PPFIBP2: variants seen among roughly 807,000 people sequenced by gnomAD.
The protein encoded by PPFIBP2 is liprin-beta-2.
A neutral mutation model predicts 118.3 loss-of-function variants in PPFIBP2; 118 were observed. The observed-to-expected ratio is 1.00, with a 90% CI of 0.86 to 1.16. The LOEUF (loss-of-function observed/expected upper bound fraction) is 1.16. Among genes scored for constraint, PPFIBP2 ranks in the 50% most tolerant of loss-of-function variants. The pLI, the probability that PPFIBP2 is intolerant of heterozygous loss-of-function variation, is 0.00. For missense variants in PPFIBP2, 1,195 were observed against 1,073.1 expected, an observed-to-expected ratio of 1.11 and a Z score of -1.59; for synonymous variants, 414 against 397.4, an observed-to-expected ratio of 1.04 and a Z score of -0.50.
intron 5 of PPFIBP2, among the ~76,000 whole-genome samples, chr11:7,601,836 G>A (rs866301430): frequency 4.6e-5 from 7 of 151,980 alleles, no homozygotes; most frequent in Admixed American, 6.5e-5. Context: ...GTACATAACT[G>A]TAATCCCAGC....
chr11:7,549,609 C>T (rs368076124), intron 2 of PPFIBP2, 70 bp downstream of exon 2: 906 of 1,143,234 alleles, frequency 7.9e-4, no homozygotes, highest in South Asian at 1.6e-3. Context: ...TCTCCTTTTA[C>T]TTTTTTTTTT....
At chr11:7,644,301 C>A (rs114883686) in intron 17 of PPFIBP2, among the ~76,000 whole-genome samples, 2,129 of 152,196 alleles carry the variant, frequency 0.014, 45 homozygotes, top group African/African-American at 0.049. Flanking sequence ...ATTCTTTCAT[C>A]ATTTTGTTTT....
chr11:7,584,389 A>AAT (rs1857746466), intron 3 of PPFIBP2, among the ~76,000 whole-genome samples: 1 of 152,180 alleles, frequency 6.6e-6, no homozygotes, highest in African/African-American at 2.4e-5. Flanking sequence ...GGGAGGAGGG[A>AAT]ATAAGGGTCA....
intron 6 of PPFIBP2, among the ~76,000 whole-genome samples, chr11:7,613,599 A>C (rs988671560): frequency 6.6e-6 from 1 of 152,250 alleles, no homozygotes; most frequent in Non-Finnish European, 1.5e-5. Flanking sequence ...ATTGACGTGG[A>C]AAGTAAATAC....
intron 4 of PPFIBP2, among the ~76,000 whole-genome samples, chr11:7,595,334 G>A (rs186800275): frequency 1.3e-5 from 2 of 152,302 alleles, no homozygotes; most frequent in Non-Finnish European, 2.9e-5. Flanking sequence ...TAATGAAAGA[G>A]TATCCAATGT....
At chr11:7,589,047 A>G (rs554609088) in intron 3 of PPFIBP2, among the ~76,000 whole-genome samples, 1 of 152,340 alleles carries the variant, frequency 6.6e-6, no homozygotes, top group Admixed American at 6.5e-5. Context: ...GAAAATTTGA[A>G]TGAGAAGATT....
At chr11:7,527,832 A>G (rs1001335561) in intron 1 of PPFIBP2, among the ~76,000 whole-genome samples, 1 of 152,166 alleles carries the variant, frequency 6.6e-6, no homozygotes, top group African/African-American at 2.4e-5. Flanking sequence ...AACTGGCGGC[A>G]TGATTTGGCT....
At chr11:7,539,955 A>C (rs555808688) in intron 1 of PPFIBP2, among the ~76,000 whole-genome samples, 1 of 152,306 alleles carries the variant, frequency 6.6e-6, no homozygotes, top group South Asian at 2.1e-4. Context: ...CAGTCCCACA[A>C]TGTGTCTCTT....
chr11:7,618,499 C>T (rs1340215545), intron 6 of PPFIBP2, among the ~76,000 whole-genome samples: 2 of 152,142 alleles, frequency 1.3e-5, no homozygotes, highest in Admixed American at 6.5e-5. Flanking sequence ...CCCTCTCCAA[C>T]AAACTGAGTA....
At chr11:7,634,368 G>T (rs1851174494) in intron 12 of PPFIBP2, 127 bp from the exon 13 acceptor site, 1 of 715,570 alleles carries the variant, frequency 1.4e-6, no homozygotes, top group Non-Finnish European at 2.4e-6. Flanking sequence ...TTATGAGAGG[G>T]TATTTTTTTT....
chr11:7,582,071 C>T (rs1011723837), intron 3 of PPFIBP2, among the ~76,000 whole-genome samples: 7 of 152,158 alleles, frequency 4.6e-5, no homozygotes, highest in African/African-American at 1.4e-4. Flanking sequence ...CTCCTGATCT[C>T]AGATGATGCG....
At chr11:7,615,955 G>A (rs1848592034) in intron 6 of PPFIBP2, among the ~76,000 whole-genome samples, 1 of 152,174 alleles carries the variant, frequency 6.6e-6, no homozygotes, top group South Asian at 2.1e-4. Context: ...CAATCTCACA[G>A]ATAATACCAA....
intron 5 of PPFIBP2, among the ~76,000 whole-genome samples, chr11:7,608,013 G>GT (rs1026082757): frequency 1.3e-5 from 2 of 152,134 alleles, no homozygotes; most frequent in African/African-American, 4.8e-5. Flanking sequence ...AGTAGGTGGT[G>GT]TGGGGGATGA....
chr11:7,651,051 T>C, intron 22 of PPFIBP2, 86 bp downstream of exon 22: 1 of 1,402,000 alleles, frequency 7.1e-7, no homozygotes, highest in Non-Finnish European at 9.6e-7. Context: ...GCACAAAAGC[T>C]AACGAAAAAA....
rs191672880 is a variant in PPFIBP2 at position 7,633,014 on chromosome 11, G to A, written c.1136+80G>A. Reference sequence around the variant, plus strand: ...GCTGCCGAAGTAGATGGTGATGACCGTGAATGGTGAGCATGGCCACTGAGT... The same window carrying A: ...GCTGCCGAAGTAGATGGTGATGACCATGAATGGTGAGCATGGCCACTGAGT... On this transcript the variant is annotated intron_variant, in intron 12 of 23. Coordinates refer to ENST00000299492, the MANE Select transcript of PPFIBP2 (RefSeq NM_003621.5). The A allele has an allele frequency of 1.5e-3, 1,910 of 1,308,970 alleles. 5 individuals carry two copies. Among genetic ancestry groups the A allele is most frequent in the Middle Eastern group, 3.2e-3 (14 of 4,442 alleles). 81.1% of individuals were successfully genotyped at this position (1,308,970 alleles called of 1,614,324 possible).
Position 7,629,422 on chromosome 11 carries a change from A to G in PPFIBP2, c.889-37A>G, listed in dbSNP as rs745646717. 22 of 1,589,102 alleles carry G rather than the reference A, an allele frequency of 1.4e-5. 2 individuals carry two copies. In the South Asian group the frequency reaches 1.9e-4, roughly 14 times the overall value. ...AAATGAAATCATCTGAGATGCCAGC[A>G]TAGCATTAATCTAAATCTCTACTTG... On this transcript the variant is annotated intron_variant, in intron 9 of 23. Coordinates refer to ENST00000299492, the MANE Select transcript of PPFIBP2 (RefSeq NM_003621.5).
intron 12 of PPFIBP2, 35 bp from the exon 13 acceptor site, chr11:7,634,460 C>T (rs755655900): frequency 6.7e-5 from 103 of 1,534,210 alleles, no homozygotes; most frequent in Non-Finnish European, 8.8e-5. Flanking sequence ...GTACCTCCTT[C>T]TCATAACTAT....
intron 6 of PPFIBP2, among the ~76,000 whole-genome samples, chr11:7,613,277 G>C (rs957261936): frequency 6.6e-6 from 1 of 152,170 alleles, no homozygotes; most frequent in Non-Finnish European, 1.5e-5. Context: ...TTTAGTTCTA[G>C]TTCTAATTTT....
rs779042994 is a variant in PPFIBP2, at chr11:7,635,581, G to T, written c.1224G>T (p.Val408=). 2.0e-5 allele frequency: 32 copies of T among 1,609,972 alleles called. No individual in the cohort carries two copies. The South Asian group carries it at 3.4e-4, about 17-fold the overall frequency. ...KCMDGNQPFP[V]LEPKDSPFLA... Reference sequence around the variant, plus strand: ...TGGATGGGAACCAGCCCTTCCCGGTGTTAGAACCCAAGGTACATTGACTTC... The same window carrying T: ...TGGATGGGAACCAGCCCTTCCCGGTTTTAGAACCCAAGGTACATTGACTTC... Residue 408 remains valine, a synonymous_variant, in exon 14 of 24, where the codon GTG becomes GTT. Transcript: ENST00000299492.
Sources: gnomAD v4.1 joint callset for allele counts (sites outside exome capture counted in the v4.1 genomes callset) on GRCh38, gnomAD v4.1.1 for gene constraint, MANE v1.5 for transcripts, NCBI Gene and HGNC (gene_info 2026-07-23, HGNC 2026-07-21) for gene names.